Variants in GALNT7 observed in about 807,000 individuals in gnomAD.
GALNT7 encodes the protein polypeptide N-acetylgalactosaminyltransferase 7.
Under a neutral mutation model 82.1 loss-of-function variants are expected in GALNT7, and 60 were observed. The observed-to-expected ratio is 0.73, with a 90% CI of 0.59 to 0.91. The LOEUF is 0.91. Among genes scored for constraint, GALNT7 ranks in the 40% least tolerant of loss-of-function variants. The pLI, the probability that GALNT7 is intolerant of heterozygous loss-of-function variation, is 0.00. For synonymous variants in GALNT7, 243 were observed against 275.1 expected, an observed-to-expected ratio of 0.88 and a Z score of 1.15; for missense variants, 660 against 804.2, an observed-to-expected ratio of 0.82 and a Z score of 2.17.
intron 1 of GALNT7, among the ~76,000 whole-genome samples, chr4:173,190,653 T>TAATTC (rs1258190775): frequency 6.6e-6 from 1 of 152,166 alleles, no homozygotes; most frequent in African/African-American, 2.4e-5. Flanking sequence ...TTCACATGAA[T>TAATTC]AGGGCCAGGC....
chr4:173,206,189 A>G (rs1019338836), intron 1 of GALNT7, among the ~76,000 whole-genome samples: 1 of 152,152 alleles, frequency 6.6e-6, no homozygotes, highest in African/African-American at 2.4e-5. Flanking sequence ...CGGCAGATCC[A>G]AAGCAAAGTC....
intron 1 of GALNT7, among the ~76,000 whole-genome samples, chr4:173,244,127 A>C (rs1482561913): frequency 1.3e-5 from 2 of 152,318 alleles, no homozygotes; most frequent in South Asian, 4.1e-4. Flanking sequence ...AGCCATACCC[A>C]TTCATTTACA....
rs145615890 is a variant in GALNT7 at position 173,305,113 on chromosome 4, G to A, written c.1389+995G>A. Among the ~76,000 whole-genome samples the A allele has an allele frequency of 5.2e-3, 790 of 152,136 alleles. 10 individuals are homozygous for A. Among genetic ancestry groups the A allele is most frequent in the African/African-American group, 0.018 (764 of 41,518 alleles). ...AACCTCTGTACTGTTTTCCCATAATGGCTGCACCATTTTGCATTCCCACCA... is the reference window on the plus strand; with the variant it reads ...AACCTCTGTACTGTTTTCCCATAATAGCTGCACCATTTTGCATTCCCACCA... On this transcript the variant is annotated intron_variant, in intron 8 of 11. Transcript: ENST00000265000.
intron 1 of GALNT7, among the ~76,000 whole-genome samples, chr4:173,172,121 T>G (rs1731897236): frequency 6.6e-6 from 1 of 152,206 alleles, no homozygotes. Context: ...GGAAGTACAC[T>G]TTGAAGAAGG....
chr4:173,169,246 C>T (rs1731757776), intron 1 of GALNT7: 1 of 148,490 alleles, frequency 6.7e-6, no homozygotes, highest in Non-Finnish European at 1.5e-5. Context: ...GGCGGCCGCT[C>T]TCCGCGCCGG....
At chr4:173,257,238 A>G (rs1055147434) in intron 2 of GALNT7, among the ~76,000 whole-genome samples, 3 of 152,182 alleles carry the variant, frequency 2.0e-5, no homozygotes, top group African/African-American at 4.8e-5. Context: ...CAGTTTCCCC[A>G]TGGTTAAGGC....
At chr4:173,288,016 G>A (rs1041557555) in intron 2 of GALNT7, among the ~76,000 whole-genome samples, 1 of 152,068 alleles carries the variant, frequency 6.6e-6, no homozygotes, top group Non-Finnish European at 1.5e-5. Flanking sequence ...GGGCGCGGTG[G>A]CTCACGCCTG....
chr4:173,186,420 C>T (rs150391444), intron 1 of GALNT7, among the ~76,000 whole-genome samples: 287 of 152,294 alleles, frequency 1.9e-3, no homozygotes, highest in Non-Finnish European at 2.8e-3. Context: ...TCCTTTTCCT[C>T]ATCTGTAAAG....
At chr4:173,184,042 G>A (rs1039399718) in intron 1 of GALNT7, among the ~76,000 whole-genome samples, 2 of 151,758 alleles carry the variant, frequency 1.3e-5, no homozygotes, top group Non-Finnish European at 2.9e-5. Context: ...CAGACGATGG[G>A]CGGCCGGGCA....
At chr4:173,304,170 C>T in intron 8 of GALNT7, 52 bp downstream of exon 8, 1 of 1,524,542 alleles carries the variant, frequency 6.6e-7, no homozygotes. Flanking sequence ...TTATGTACCA[C>T]ATGCTATAGT....
At chr4:173,222,721 T>A (rs1733683327) in intron 1 of GALNT7, among the ~76,000 whole-genome samples, 1 of 152,206 alleles carries the variant, frequency 6.6e-6, no homozygotes, top group South Asian at 2.1e-4. Flanking sequence ...AATGAGTTAA[T>A]TGCTATTTAC....
chr4:173,320,178 G>A lies in GALNT7; in HGVS notation c.1837-1402G>A, dbSNP rs966862622. The stretch of plus-strand genomic sequence containing the variant: ...GAGGTATGGACTGATGAAGCAACGA[G>A]ATCAGCTTGAGCAGCAGTTCTCAAA... On this transcript the variant is annotated intron_variant, in intron 11 of 11. Transcript: ENST00000265000. The surrounding 1 kb of genome is among the most constrained non-coding windows in gnomAD (Gnocchi z 4.1). Among the ~76,000 whole-genome samples the A allele has an allele frequency of 2.6e-5, 4 of 151,994 alleles. No homozygotes were observed. The highest frequency in any genetic ancestry group is 9.7e-5 in the African/African-American group (4 of 41,400).
At chr4:173,282,267 C>T (rs1419893820) in intron 2 of GALNT7, among the ~76,000 whole-genome samples, 1 of 152,202 alleles carries the variant, frequency 6.6e-6, no homozygotes, top group Admixed American at 6.5e-5. Flanking sequence ...CTTCCCTGTG[C>T]AAGTTTCTGT....
rs183810555 is a variant in GALNT7, at chr4:173,283,075, G to A, written c.588-9033G>A. Among the ~76,000 whole-genome samples the A allele has an allele frequency of 1.2e-3, 190 of 152,316 alleles. 3 individuals carry two copies. The highest frequency in any genetic ancestry group is 2.0e-3 in the Admixed American group (31 of 15,300). On this transcript the variant is annotated intron_variant, in intron 2 of 11. Transcript: ENST00000265000. ...TGGTTGGTTTACAGGAATAAGCAGG[G>A]TTAGTCTAAAATGTAGGCAAGAACT...
chr4:173,183,241 C>A (rs933136330), intron 1 of GALNT7, among the ~76,000 whole-genome samples: 1 of 151,362 alleles, frequency 6.6e-6, no homozygotes, highest in Non-Finnish European at 1.5e-5. Flanking sequence ...TCTGTGTCAT[C>A]TCTGTGCACC....
intron 8 of GALNT7, among the ~76,000 whole-genome samples, chr4:173,311,491 A>C (rs1359431727): frequency 6.6e-6 from 1 of 152,254 alleles, no homozygotes; most frequent in African/African-American, 2.4e-5. Flanking sequence ...AAGAAAGCTC[A>C]GGAAGCTTCC....
chr4:173,256,665 A>G (rs1735050603), intron 2 of GALNT7, among the ~76,000 whole-genome samples: 1 of 151,870 alleles, frequency 6.6e-6, no homozygotes, highest in Non-Finnish European at 1.5e-5. Flanking sequence ...TGCTAGGACT[A>G]CATATACGAG....
At chr4:173,277,750 G>C (rs1325853420) in intron 2 of GALNT7, among the ~76,000 whole-genome samples, 1 of 152,166 alleles carries the variant, frequency 6.6e-6, no homozygotes, top group Non-Finnish European at 1.5e-5. Context: ...CAAAGAGTAG[G>C]CAGATTATTA....
intron 8 of GALNT7, among the ~76,000 whole-genome samples, chr4:173,307,196 C>T (rs1737190663): frequency 1.3e-5 from 2 of 152,350 alleles, no homozygotes; most frequent in Admixed American, 1.3e-4. Context: ...CCCCTTGGCA[C>T]TGGTTCTGAC....
Sources: gnomAD v4.1 joint callset for allele counts (sites outside exome capture counted in the v4.1 genomes callset) on GRCh38, gnomAD v4.1.1 for gene constraint, Gnocchi (gnomAD v3.1) non-coding constraint, MANE v1.5 for transcripts, NCBI Gene and HGNC (gene_info 2026-07-23, HGNC 2026-07-21) for gene names.